The following PREX1 variants were observed in gnomAD, a reference collection of about 807,000 sequenced individuals.
The protein encoded by PREX1 is phosphatidylinositol-3,4,5-trisphosphate dependent Rac exchange factor 1.
PREX1 carries 41 observed loss-of-function variants against 198.3 expected under a neutral mutation model. The observed-to-expected ratio is 0.21, with a 90% CI of 0.16 to 0.27. The LOEUF (loss-of-function observed/expected upper bound fraction) is 0.27, where lower values mean the gene tolerates loss of function less well. PREX1 is among the 10% of genes least tolerant of loss of function. The pLI, the probability that PREX1 is intolerant of heterozygous loss-of-function variation, is 1.00. For missense variants in PREX1, 1,620 were observed against 2,200.7 expected (o/e 0.74, Z 5.28); for synonymous variants, 843 against 887.2 (o/e 0.95, Z 0.89).
Position 48,649,309 on chromosome 20 carries a change from T to C in PREX1, c.3296A>G (p.Gln1099Arg), listed in dbSNP as rs1040733011. The C allele has an allele frequency of 1.2e-6, 2 of 1,612,754 alleles. No homozygotes were observed. The highest frequency in any genetic ancestry group is 2.7e-5 in the African/African-American group (2 of 74,928). The change falls in exon 25 of 40, where the codon CAG becomes CGG. Residue 1099 changes from glutamine (Q) to arginine (R), a missense_variant. Coordinates refer to ENST00000371941, the MANE Select transcript of PREX1 (RefSeq NM_020820.4). ...CCCGGCCAGCGCTCACCTGTTGATC[T>C]GGGTGACATATTGCTTCATCTCCTT... ...ALKEMKQYVTQINRLLSTITE... is the reference protein window; with the variant it reads ...ALKEMKQYVTRINRLLSTITE...
Position 48,639,761 on chromosome 20 carries a change from C to T in PREX1, c.3904+5G>A, listed in dbSNP as rs368594492. On this transcript the variant is annotated splice_donor_5th_base_variant and intron_variant, in intron 30 of 39. Coordinates refer to ENST00000371941, the MANE Select transcript of PREX1 (RefSeq NM_020820.4). ...CACCATGATGCACCCTCCCTGCCCA[C>T]CGACCTTCCACATATCTCTGAATGT... The T allele has an allele frequency of 5.0e-6, 8 of 1,613,626 alleles. No individual in the cohort carries two copies. In the African/African-American group the frequency reaches 6.7e-5, roughly 13 times the overall value.
chr20:48,665,315 T>TCCAGACGGCCTGAATTCTAATCCC (rs1568812816), intron 15 of PREX1, among the ~76,000 whole-genome samples: 57 of 136,316 alleles, frequency 4.2e-4, no homozygotes, highest in African/African-American at 1.5e-3. Flanking sequence ...ATTCTAATCC[T>TCCAGACGGCCTGAATTCTAATCCC]GGTTCCAGAC....
chr20:48,642,141 G>A, intron 29 of PREX1, 27 bp downstream of exon 29: 1 of 1,607,402 alleles, frequency 6.2e-7, no homozygotes, highest in Non-Finnish European at 8.5e-7. Context: ...ATCGCAGGCT[G>A]TCACCTTGGA....
intron 15 of PREX1, among the ~76,000 whole-genome samples, chr20:48,665,669 G>C (rs538655554): frequency 1.2e-4 from 19 of 152,310 alleles, no homozygotes; most frequent in Non-Finnish European, 2.8e-4. Context: ...AAATATATGT[G>C]AAGTGTCTAG....
At chr20:48,721,710 T>G (rs2089986765) in intron 5 of PREX1, among the ~76,000 whole-genome samples, 1 of 152,178 alleles carries the variant, frequency 6.6e-6, no homozygotes, top group Non-Finnish European at 1.5e-5. Flanking sequence ...TCAGTTTAGC[T>G]GCTGAGCTGG....
At chr20:48,848,938 A>G in the PREX1 span, among the ~76,000 whole-genome samples, 1 of 151,904 alleles carries the variant, frequency 6.6e-6, no homozygotes, top group Admixed American at 6.6e-5. Context: ...GGGTTTCACC[A>G]TATTGGTCAG....
chr20:48,625,869 TG>T lies in PREX1; in HGVS notation c.*15del. ...CAGCTCCAGAGGCCGCGGCCCAGCGTGGGGCATTTGGGTGTTCAGAGGTCCC... is the reference window on the plus strand; with the variant it reads ...CAGCTCCAGAGGCCGCGGCCCAGCGTGGGCATTTGGGTGTTCAGAGGTCCC... On this transcript the variant is annotated 3_prime_UTR_variant, in exon 40 of 40. Transcript: ENST00000371941. The T allele has an allele frequency of 1.9e-6, 3 of 1,557,934 alleles. No homozygotes were observed. The highest frequency in any genetic ancestry group is 1.9e-5 in the Admixed American group (1 of 52,516).
At chr20:48,635,652 C>T (rs571198602) in intron 32 of PREX1, among the ~76,000 whole-genome samples, 20 of 152,298 alleles carry the variant, frequency 1.3e-4, no homozygotes, top group African/African-American at 4.8e-4. Flanking sequence ...CTGTCTCTGA[C>T]AGAGAAGCTG....
intron 3 of PREX1, among the ~76,000 whole-genome samples, chr20:48,734,965 G>T (rs1480156169): frequency 2.0e-5 from 3 of 151,992 alleles, no homozygotes; most frequent in Non-Finnish European, 4.4e-5. Context: ...ACCTGGGCAG[G>T]TTACCTGACT....
At chr20:48,811,793 A>T (rs1333475446) in intron 1 of PREX1, among the ~76,000 whole-genome samples, 1 of 152,042 alleles carries the variant, frequency 6.6e-6, no homozygotes, top group African/African-American at 2.4e-5. Context: ...TCCTAGAGAC[A>T]AGGGAATCCC....
At chr20:48,838,993 C>CAAAAA in the PREX1 span, among the ~76,000 whole-genome samples, 143 of 23,048 alleles carry the variant, frequency 6.2e-3, 21 homozygotes, top group African/African-American at 0.023. Context: ...GACTCTGTCT[C>CAAAAA]AAAAAAAAAA....
chr20:48,779,896 T>C lies in PREX1; in HGVS notation c.220-32016A>G, dbSNP rs73909717. Among the ~76,000 whole-genome samples, 1,129 of 152,306 alleles carry C rather than the reference T, an allele frequency of 7.4e-3. 9 individuals are homozygous for C. The highest frequency in any genetic ancestry group is 0.026 in the African/African-American group (1,083 of 41,562). ...TAAGGGGTGGCATGAGAGTGTTTTT[T>C]GGGTGATGGAAGTCTTCTCTATCCA... On this transcript the variant is annotated intron_variant, in intron 1 of 39. Coordinates refer to ENST00000371941, the MANE Select transcript of PREX1 (RefSeq NM_020820.4).
rs777095713 is a variant in PREX1, at chr20:48,672,238, A to C, written c.1665+3955T>G. Among the ~76,000 whole-genome samples the C allele has an allele frequency of 2.6e-5, 4 of 152,346 alleles. No individual in the cohort carries two copies. The East Asian group carries it at 7.7e-4, about 29-fold the overall frequency. ...TCCCAGCTCAGTCAATGGCAGCTCA[A>C]GCCAAAGGCTTTGGAGTCATTCTCT... On this transcript the variant is annotated intron_variant, in intron 14 of 39. Coordinates refer to ENST00000371941, the MANE Select transcript of PREX1 (RefSeq NM_020820.4).
chr20:48,742,420 G>C (rs1269154712), intron 3 of PREX1, among the ~76,000 whole-genome samples: 1 of 152,174 alleles, frequency 6.6e-6, no homozygotes. Context: ...GAAAACTGAG[G>C]CACAGAGAGG....
At chr20:48,635,244 C>G (rs1601030424) in intron 32 of PREX1, among the ~76,000 whole-genome samples, 1 of 152,250 alleles carries the variant, frequency 6.6e-6, no homozygotes, top group East Asian at 1.9e-4. Context: ...TGGGGTGACA[C>G]TAAAACATCC....
At chr20:48,650,803 T>C in intron 23 of PREX1, 91 bp downstream of exon 23, 7 of 1,481,918 alleles carry the variant, frequency 4.7e-6, no homozygotes, top group Non-Finnish European at 5.5e-6. Flanking sequence ...CTGAGTTGGG[T>C]TGGGCTTTGT....
intron 1 of PREX1, among the ~76,000 whole-genome samples, chr20:48,771,166 T>G (rs2090233831): frequency 6.6e-6 from 1 of 151,894 alleles, no homozygotes; most frequent in African/African-American, 2.4e-5. Flanking sequence ...CATCACCGGT[T>G]GCACATAATT....
chr20:48,685,683 T>C (rs562557208), intron 10 of PREX1, among the ~76,000 whole-genome samples: 19 of 152,226 alleles, frequency 1.2e-4, no homozygotes, highest in African/African-American at 4.1e-4. Flanking sequence ...TCCCAGCACC[T>C]TGGGAAGCCA....
chr20:48,632,452 G>A, intron 34 of PREX1, 44 bp downstream of exon 34: 1 of 1,613,460 alleles, frequency 6.2e-7, no homozygotes, highest in South Asian at 1.1e-5. Context: ...TGGTGGCCTT[G>A]GCCCGGCCCC....
Sources: gnomAD v4.1 joint callset for allele counts (sites outside exome capture counted in the v4.1 genomes callset) on GRCh38, gnomAD v4.1.1 for gene constraint, MANE v1.5 for transcripts, NCBI Gene and HGNC (gene_info 2026-07-23, HGNC 2026-07-21) for gene names.